Variants in ZDHHC14 observed in about 807,000 individuals in gnomAD.
The protein encoded by ZDHHC14 is zDHHC palmitoyltransferase 14.
A neutral mutation model predicts 47.7 loss-of-function variants in ZDHHC14; 16 were observed. The observed-to-expected ratio is 0.34, with a 90% CI of 0.23 to 0.51. ZDHHC14 has a LOEUF of 0.51. ZDHHC14 is among the 20% of genes least tolerant of loss of function. The pLI is 0.97. For synonymous variants in ZDHHC14, 293 were observed against 278.9 expected (o/e 1.05, Z -0.50); for missense variants, 515 against 662.5 (o/e 0.78, Z 2.44).
chr6:157,534,944 T>A (rs1781488666), intron 1 of ZDHHC14, among the ~76,000 whole-genome samples: 1 of 152,136 alleles, frequency 6.6e-6, no homozygotes, highest in African/African-American at 2.4e-5. Flanking sequence ...ACCACAATAT[T>A]CACTAGTAAG....
In ZDHHC14 at chr6:157,582,662, T is replaced by G. The variant is rs1783557884; in HGVS notation, c.407-10326T>G. ...TCTTCTCTCTACATTTCTTTAACAT[T>G]GTTTCTCTCATTTTCATCTTGGAGA... On this transcript the variant is annotated intron_variant, in intron 2 of 8. Coordinates refer to ENST00000359775, the MANE Select transcript of ZDHHC14 (RefSeq NM_024630.3). This position sits in a 1 kb window ranked among gnomAD's most constrained non-coding sequence, Gnocchi z 4.3. Among the ~76,000 whole-genome samples, 1 of 152,214 alleles carries G rather than the reference T, an allele frequency of 6.6e-6. No individual in the cohort carries two copies. Among genetic ancestry groups the G allele is most frequent in the African/African-American group, 2.4e-5 (1 of 41,456 alleles).
chr6:157,566,556 C>T (rs1417899408), intron 2 of ZDHHC14, among the ~76,000 whole-genome samples: 1 of 152,214 alleles, frequency 6.6e-6, no homozygotes, highest in Admixed American at 6.5e-5. Context: ...AATCTCCAGA[C>T]GGCCACTTCT....
intron 1 of ZDHHC14, among the ~76,000 whole-genome samples, chr6:157,526,343 G>A (rs1781149647): frequency 6.6e-6 from 1 of 152,096 alleles, no homozygotes; most frequent in East Asian, 1.9e-4. Flanking sequence ...TCTGGAGTAA[G>A]TGCCCCAGTG....
intron 2 of ZDHHC14, among the ~76,000 whole-genome samples, chr6:157,560,862 A>G (rs969903391): frequency 6.6e-6 from 1 of 152,228 alleles, no homozygotes; most frequent in Non-Finnish European, 1.5e-5. Flanking sequence ...GGATGCATTA[A>G]CCTGAAGAAG....
intron 1 of ZDHHC14, among the ~76,000 whole-genome samples, chr6:157,492,495 G>C (rs556878791): frequency 6.6e-6 from 1 of 152,356 alleles, no homozygotes; most frequent in Non-Finnish European, 1.5e-5. Flanking sequence ...GCCAGTTCCA[G>C]AATTGGGGAA....
chr6:157,557,083 G>A (rs961179527), intron 2 of ZDHHC14, among the ~76,000 whole-genome samples: 2 of 152,212 alleles, frequency 1.3e-5, no homozygotes, highest in African/African-American at 2.4e-5. Context: ...TGGGGAGGCC[G>A]CTCAGCCCTC....
chr6:157,441,989 G>A (rs543193573), intron 1 of ZDHHC14, among the ~76,000 whole-genome samples: 1 of 152,290 alleles, frequency 6.6e-6, no homozygotes, highest in South Asian at 2.1e-4. Flanking sequence ...TCCTCTTGAT[G>A]CCTCAGATTT....
At chr6:157,660,188 C>CTTTTTTTTTTTTTTTT (rs397799133) in intron 8 of ZDHHC14, among the ~76,000 whole-genome samples, 1 of 86,658 alleles carries the variant, frequency 1.2e-5, no homozygotes, top group African/African-American at 5.2e-5. Context: ...TTCTTTTTTT[C>CTTTTTTTTTTTTTTTT]TTTTTTTTTT....
At chr6:157,642,448 A>G (rs1362415867) in intron 5 of ZDHHC14, among the ~76,000 whole-genome samples, 1 of 152,228 alleles carries the variant, frequency 6.6e-6, no homozygotes, top group African/African-American at 2.4e-5. Context: ...GGGTCTCTGC[A>G]GAGCAGTGCT....
At chr6:157,521,696 G>A (rs958977799) in intron 1 of ZDHHC14, among the ~76,000 whole-genome samples, 5 of 152,216 alleles carry the variant, frequency 3.3e-5, no homozygotes, top group African/African-American at 1.2e-4. Context: ...TTTGAGGGAG[G>A]ACCACAAACA....
chr6:157,626,645 A>G (rs569132905), intron 3 of ZDHHC14, among the ~76,000 whole-genome samples: 1 of 152,266 alleles, frequency 6.6e-6, no homozygotes, highest in African/African-American at 2.4e-5. Context: ...TAAATTTGGC[A>G]GGATTGATGA....
At chr6:157,450,078 G>T (rs1036292183) in intron 1 of ZDHHC14, among the ~76,000 whole-genome samples, 1 of 151,996 alleles carries the variant, frequency 6.6e-6, no homozygotes, top group Non-Finnish European at 1.5e-5. Flanking sequence ...TAAATATGGT[G>T]ATTATTTAGG....
intron 3 of ZDHHC14, among the ~76,000 whole-genome samples, chr6:157,618,157 A>G (rs926906114): frequency 2.0e-5 from 3 of 152,224 alleles, no homozygotes; most frequent in African/African-American, 4.8e-5. Flanking sequence ...CGTAAGGTCA[A>G]CGCTGAGGGG....
intron 1 of ZDHHC14, among the ~76,000 whole-genome samples, chr6:157,402,129 G>C (rs898812178): frequency 2.6e-5 from 4 of 151,012 alleles, no homozygotes; most frequent in African/African-American, 9.8e-5. Flanking sequence ...CACTGCACTA[G>C]TGAGATGTGC....
Position 157,542,662 on chromosome 6 carries a change from C to T in ZDHHC14, c.323C>T (p.Thr108Ile). 1 of 1,614,186 alleles carries T rather than the reference C, an allele frequency of 6.2e-7. No homozygotes were observed. The highest frequency in any genetic ancestry group is 8.5e-7 in the Non-Finnish European group (1 of 1,180,040). Residue 108 changes from threonine (T) to isoleucine (I), a missense_variant, in exon 2 of 9, where the codon ACC becomes ATC. By Grantham distance (89) the Thr-to-Ile change is moderately conservative. Transcript: ENST00000359775. ...ATCCTGTTCTTCTTTGTGATGGGGA[C>T]CCTGCTCCGCACCAGCTTCAGCGAC... Reference protein sequence around the residue: ...AGILFFFVMGTLLRTSFSDPG... With the variant: ...AGILFFFVMGILLRTSFSDPG...
chr6:157,657,815 C>T (rs180729698), intron 8 of ZDHHC14, among the ~76,000 whole-genome samples: 51 of 152,296 alleles, frequency 3.3e-4, no homozygotes, highest in Admixed American at 2.3e-3. Flanking sequence ...TCGAGTCAGC[C>T]AGCAGGCTTT....
chr6:157,666,509 C>T (rs2115009577), intron 8 of ZDHHC14, among the ~76,000 whole-genome samples: 1 of 152,318 alleles, frequency 6.6e-6, no homozygotes, highest in African/African-American at 2.4e-5. Flanking sequence ...TTTAGGTGGA[C>T]TTTAGAAGAC....
intron 1 of ZDHHC14, among the ~76,000 whole-genome samples, chr6:157,460,127 C>T (rs1397744697): frequency 6.6e-6 from 1 of 150,934 alleles, no homozygotes; most frequent in African/African-American, 2.4e-5. Flanking sequence ...CGCCTGAACC[C>T]GGGAGGCAGA....
At chr6:157,527,274 C>A (rs544290724) in intron 1 of ZDHHC14, among the ~76,000 whole-genome samples, 1 of 152,300 alleles carries the variant, frequency 6.6e-6, no homozygotes, top group South Asian at 2.1e-4. Context: ...CTCCCATCGA[C>A]TCCAGGAGCT....
Sources: gnomAD v4.1 joint callset for allele counts (sites outside exome capture counted in the v4.1 genomes callset) on GRCh38, gnomAD v4.1.1 for gene constraint, Gnocchi (gnomAD v3.1) non-coding constraint, MANE v1.5 for transcripts, NCBI Gene and HGNC (gene_info 2026-07-23, HGNC 2026-07-21) for gene names.